HIBADH: variants seen among roughly 807,000 people sequenced by gnomAD.
HIBADH encodes 3-hydroxyisobutyrate dehydrogenase, also known as 3-hydroxyisobutyrate dehydrogenase, mitochondrial.
HIBADH carries 25 observed loss-of-function variants against 36.1 expected under a neutral mutation model. That is an observed-to-expected ratio of 0.69 (90% confidence interval 0.50 to 0.97). The LOEUF (loss-of-function observed/expected upper bound fraction) is 0.97. HIBADH is among the 50% of genes least tolerant of loss of function. HIBADH has a pLI of 0.00. For synonymous variants in HIBADH, 160 were observed against 149.5 expected, an observed-to-expected ratio of 1.07 and a Z score of -0.51; for missense variants, 421 against 418.0, an observed-to-expected ratio of 1.01 and a Z score of -0.06.
At chr7:27,605,848 T>C (rs1488565694) in intron 4 of HIBADH, among the ~76,000 whole-genome samples, 1 of 152,100 alleles carries the variant, frequency 6.6e-6, no homozygotes, top group East Asian at 1.9e-4. Context: ...ATAATCCTTT[T>C]ATCATTAGCA....
intron 2 of HIBADH, 167 bp downstream of exon 2, chr7:27,649,306 T>C (rs1234148952): frequency 3.8e-6 from 2 of 521,052 alleles, no homozygotes; most frequent in Admixed American, 3.8e-5. Flanking sequence ...AGAACTCTCC[T>C]TTACTGCAAA....
At chr7:27,577,591 C>G (rs150388838) in intron 4 of HIBADH, among the ~76,000 whole-genome samples, 9 of 152,036 alleles carry the variant, frequency 5.9e-5, no homozygotes, top group Non-Finnish European at 1.3e-4. Context: ...TTACTTGCAA[C>G]CCAGGTACAC....
chr7:27,580,707 A>G (rs1290331660), intron 4 of HIBADH, among the ~76,000 whole-genome samples: 5 of 152,218 alleles, frequency 3.3e-5, no homozygotes, highest in African/African-American at 1.2e-4. Context: ...GTATTGTTAC[A>G]GGCATTGAGA....
At chr7:27,541,862 A>G in intron 5 of HIBADH, 2 of 325,190 alleles carry the variant, frequency 6.2e-6, no homozygotes. Flanking sequence ...TTAGTGTCAC[A>G]TGACATTTTA....
chr7:27,586,934 G>A (rs1352669354), intron 4 of HIBADH, among the ~76,000 whole-genome samples: 1 of 152,210 alleles, frequency 6.6e-6, no homozygotes, highest in African/African-American at 2.4e-5. Flanking sequence ...CCCTGCAGTC[G>A]CCAGGGTCCA....
intron 4 of HIBADH, among the ~76,000 whole-genome samples, chr7:27,607,494 C>G (rs759271): frequency 0.79 from 120,737 of 151,990 alleles, 48,334 homozygotes; most frequent in East Asian, 0.97. Context: ...GGGCAGCAGA[C>G]CAAGACTTTG....
At chr7:27,527,055 AGAC>A (rs1322108646) in intron 7 of HIBADH, among the ~76,000 whole-genome samples, 1 of 57,078 alleles carries the variant, frequency 1.8e-5, no homozygotes, top group Non-Finnish European at 2.9e-5. Context: ...CCATCCTGGC[AGAC>A]AATGTGACAG....
Position 27,525,930 on chromosome 7 carries a change from T to A in HIBADH, c.*284A>T. Reference sequence around the variant, plus strand: ...AGCAGATAATATCCTGATTGAAGTATTCAATGATTTAGTTGAGGATGCTTG... The same window carrying A: ...AGCAGATAATATCCTGATTGAAGTAATCAATGATTTAGTTGAGGATGCTTG... On this transcript the variant is annotated 3_prime_UTR_variant, in exon 8 of 8. Coordinates refer to ENST00000265395, the MANE Select transcript of HIBADH (RefSeq NM_152740.4). 1 of 204,552 alleles carries A rather than the reference T, an allele frequency of 4.9e-6. No homozygotes were observed. 12.7% of individuals were successfully genotyped at this position (204,552 alleles called of 1,614,324 possible).
intron 2 of HIBADH, among the ~76,000 whole-genome samples, chr7:27,638,316 A>AAAAC (rs1785886994): frequency 6.8e-6 from 1 of 147,534 alleles, no homozygotes; most frequent in African/African-American, 2.5e-5. Context: ...GTCAAAAAAA[A>AAAAC]AAAAAAAAAA....
intron 4 of HIBADH, among the ~76,000 whole-genome samples, chr7:27,576,504 T>C (rs1337254399): frequency 6.6e-6 from 1 of 152,228 alleles, no homozygotes; most frequent in Admixed American, 6.5e-5. Context: ...TCCTGACTGT[T>C]CTGGTTCATT....
intron 4 of HIBADH, among the ~76,000 whole-genome samples, chr7:27,543,907 T>C (rs1043774117): frequency 6.6e-6 from 1 of 152,176 alleles, no homozygotes; most frequent in African/African-American, 2.4e-5. Flanking sequence ...TAATCTAGAC[T>C]TGTCCTAAAA....
At chr7:27,580,182 C>A (rs1040697317) in intron 4 of HIBADH, among the ~76,000 whole-genome samples, 12 of 152,256 alleles carry the variant, frequency 7.9e-5, no homozygotes, top group African/African-American at 2.6e-4. Flanking sequence ...TGAGACTATA[C>A]TAGGCATTTC....
intron 1 of HIBADH, among the ~76,000 whole-genome samples, chr7:27,660,274 A>G (rs763029470): frequency 6.6e-6 from 1 of 152,222 alleles, no homozygotes; most frequent in Non-Finnish European, 1.5e-5. Context: ...CCAAACTTGC[A>G]GGCAGATTTT....
At chr7:27,580,868 T>C (rs989181459) in intron 4 of HIBADH, among the ~76,000 whole-genome samples, 1 of 152,080 alleles carries the variant, frequency 6.6e-6, no homozygotes, top group South Asian at 2.1e-4. Flanking sequence ...AAAGCAGAAG[T>C]AGAAAGGCTG....
intron 1 of HIBADH, among the ~76,000 whole-genome samples, chr7:27,652,908 C>T (rs755631737): frequency 9.2e-5 from 14 of 152,110 alleles, no homozygotes; most frequent in Non-Finnish European, 1.3e-4. Context: ...GTGGGTGGAT[C>T]ACCTGAGGTC....
Position 27,648,829 on chromosome 7 carries a change from A to G in HIBADH, c.252+644T>C, listed in dbSNP as rs76772171. 7.2e-4 allele frequency among the ~76,000 whole-genome samples: 109 copies of G among 152,334 alleles called. 3 individuals are homozygous for G. In the East Asian group the frequency reaches 0.02, roughly 28 times the overall value. ...AGCCTAAAAACACTAGAGATCCACT[A>G]TAACTCAACTCTTCATTATAGGACA... On this transcript the variant is annotated intron_variant, in intron 2 of 7. Coordinates refer to ENST00000265395, the MANE Select transcript of HIBADH (RefSeq NM_152740.4).
chr7:27,644,136 T>C (rs1162930989), intron 2 of HIBADH, among the ~76,000 whole-genome samples: 1 of 152,204 alleles, frequency 6.6e-6, no homozygotes, highest in Non-Finnish European at 1.5e-5. Context: ...CACAGATATA[T>C]GCAACCATGA....
In HIBADH at chr7:27,526,301, C is replaced by G. The variant is rs904172376; in HGVS notation, c.924G>C (p.Gln308His). Residue 308 changes from glutamine (Q) to histidine (H), a missense_variant, in exon 8 of 8, where the codon CAG (glutamine) becomes CAC (histidine). Gln to His is a conservative substitution (Grantham distance 24). Coordinates refer to ENST00000265395, the MANE Select transcript of HIBADH (RefSeq NM_152740.4). The part of the protein sequence containing the change: ...SPILLGSLAH[Q>H]IYRMMCAKGY... ...CCTTTGCACACATCATCCTGTAGATCTGATGGGCCAGACTGCCAAGAAGGA... is the reference window on the plus strand; with the variant it reads ...CCTTTGCACACATCATCCTGTAGATGTGATGGGCCAGACTGCCAAGAAGGA... The G allele has an allele frequency of 2.5e-6, 4 of 1,613,640 alleles. No homozygotes were observed. Among genetic ancestry groups the G allele is most frequent in the Non-Finnish European group, 3.4e-6 (4 of 1,179,846 alleles).
Position 27,662,690 on chromosome 7 carries a change from G to C in HIBADH, c.91+8C>G. ...AAGGACAAGGGGGAGGAGGCGTGAGGTCCTTACCCGCTGCAAAGCTGCCGG... is the reference window on the plus strand; with the variant it reads ...AAGGACAAGGGGGAGGAGGCGTGAGCTCCTTACCCGCTGCAAAGCTGCCGG... On this transcript the variant is annotated splice_region_variant and intron_variant, in intron 1 of 7. Transcript: ENST00000265395. 7.5e-7 allele frequency: 1 copy of C among 1,340,614 alleles called. No individual in the cohort carries two copies. Among genetic ancestry groups the C allele is most frequent in the East Asian group, 3.1e-5 (1 of 32,072 alleles). 83.0% of individuals were successfully genotyped at this position (1,340,614 alleles called of 1,614,324 possible). A position where few individuals can be genotyped will look rare whatever the true frequency, so the allele number is the denominator to read the frequency against.
Sources: gnomAD v4.1 joint callset for allele counts (sites outside exome capture counted in the v4.1 genomes callset) on GRCh38, gnomAD v4.1.1 for gene constraint, MANE v1.5 for transcripts, NCBI Gene and HGNC (gene_info 2026-07-23, HGNC 2026-07-21) for gene names.